Variants in HAPLN1 observed in about 807,000 individuals in gnomAD.
The protein encoded by HAPLN1 is Cartilage link protein.
In HAPLN1, 13 loss-of-function variants were observed where a neutral mutation model predicts 36.5. That is an observed-to-expected ratio of 0.36 (90% confidence interval 0.23 to 0.57). The LOEUF (loss-of-function observed/expected upper bound fraction) is 0.57, where lower values mean the gene tolerates loss of function less well. HAPLN1 is among the 20% of genes least tolerant of loss of function. HAPLN1 has a pLI of 0.83. For missense variants in HAPLN1, 407 were observed against 439.7 expected (o/e 0.93, Z 0.66); for synonymous variants, 202 against 169.8 (o/e 1.19, Z -1.48).
intron 1 of HAPLN1, among the ~76,000 whole-genome samples, chr5:83,706,994 A>G (rs1262483859): frequency 6.6e-6 from 1 of 152,184 alleles, no homozygotes; most frequent in Non-Finnish European, 1.5e-5. Flanking sequence ...CAGAAAGAAC[A>G]AAGTACCTAG....
chr5:83,704,204 T>C (rs1751577432), intron 1 of HAPLN1, among the ~76,000 whole-genome samples: 1 of 151,920 alleles, frequency 6.6e-6, no homozygotes, highest in Non-Finnish European at 1.5e-5. Flanking sequence ...GATATGCAAA[T>C]GTTTAGGGAG....
chr5:83,641,912 G>T (rs968331814), intron 4 of HAPLN1, 127 bp from the exon 5 acceptor site: 3 of 1,000,808 alleles, frequency 3.0e-6, no homozygotes, highest in Non-Finnish European at 1.5e-6. Flanking sequence ...AAAATTTTGG[G>T]AACATAGAAA....
At chr5:83,704,633 A>G (rs147703873) in intron 1 of HAPLN1, among the ~76,000 whole-genome samples, 2 of 152,334 alleles carry the variant, frequency 1.3e-5, no homozygotes, top group African/African-American at 4.8e-5. Flanking sequence ...ACTTTAAACT[A>G]ACAAAGATCA....
intron 1 of HAPLN1, 66 bp from the exon 2 acceptor site, chr5:83,673,615 A>T: frequency 1.2e-6 from 1 of 845,866 alleles, no homozygotes; most frequent in East Asian, 2.5e-5. Flanking sequence ...TGCACTGCAC[A>T]ACTTATTACC....
intron 1 of HAPLN1, among the ~76,000 whole-genome samples, chr5:83,687,144 C>G (rs992030009): frequency 3.5e-4 from 53 of 152,088 alleles, no homozygotes; most frequent in Admixed American, 3.5e-3. Flanking sequence ...CACAGGAAAT[C>G]AGGAAAAGAA....
intron 1 of HAPLN1, among the ~76,000 whole-genome samples, chr5:83,712,532 A>G (rs2083725883): frequency 6.6e-6 from 1 of 152,096 alleles, no homozygotes; most frequent in Non-Finnish European, 1.5e-5. Flanking sequence ...CTTGATCAGT[A>G]TATTTTAGAT....
intron 1 of HAPLN1, among the ~76,000 whole-genome samples, chr5:83,718,882 T>C (rs1283658901): frequency 6.6e-6 from 1 of 152,196 alleles, no homozygotes; most frequent in African/African-American, 2.4e-5. Context: ...AATATAACTT[T>C]TGTTCATCTT....
intron 1 of HAPLN1, chr5:83,682,456 A>C (rs1254991689): frequency 2.6e-5 from 4 of 152,216 alleles, no homozygotes; most frequent in African/African-American, 9.6e-5. Context: ...TAGTTATACT[A>C]AGTCATAATA....
Position 83,638,414 on chromosome 5 carries a change from G to A in HAPLN1, c.*3082C>T, listed in dbSNP as rs949536252. 5 of 152,022 alleles carry A rather than the reference G, an allele frequency of 3.3e-5. No individual in the cohort carries two copies. Among genetic ancestry groups the A allele is most frequent in the Non-Finnish European group, 4.4e-5 (3 of 67,912 alleles). The allele number at this position is 152,022 out of a possible 1,614,324, so 9.4% of individuals were successfully genotyped here. A position where few individuals can be genotyped will look rare whatever the true frequency, so the allele number is the denominator to read the frequency against. Reference sequence around the variant, plus strand: ...TTGTACATCCATTGCCGCTCTGGCAGTAGTGAGCTACGATACAGTTAACTT... The same window carrying A: ...TTGTACATCCATTGCCGCTCTGGCAATAGTGAGCTACGATACAGTTAACTT... On this transcript the variant is annotated 3_prime_UTR_variant, in exon 5 of 5. Coordinates refer to ENST00000274341, the MANE Select transcript of HAPLN1 (RefSeq NM_001884.4).
At chr5:83,648,173 A>G (rs1021767729) in intron 3 of HAPLN1, among the ~76,000 whole-genome samples, 2 of 151,790 alleles carry the variant, frequency 1.3e-5, no homozygotes, top group African/African-American at 4.8e-5. Context: ...TAGGTAGGTA[A>G]TTGGTGGCAG....
chr5:83,709,337 A>G (rs567838034), intron 1 of HAPLN1, among the ~76,000 whole-genome samples: 1 of 152,352 alleles, frequency 6.6e-6, no homozygotes, highest in Admixed American at 6.5e-5. Context: ...TAATTTCTTA[A>G]GCATATTAAT....
intron 1 of HAPLN1, among the ~76,000 whole-genome samples, chr5:83,710,955 A>C (rs1220700197): frequency 2.6e-5 from 4 of 152,132 alleles, no homozygotes; most frequent in Non-Finnish European, 5.9e-5. Flanking sequence ...CGTCTCAAAA[A>C]AGAAAAAAAA....
intron 1 of HAPLN1, among the ~76,000 whole-genome samples, chr5:83,684,245 A>G (rs1211173009): frequency 6.6e-6 from 1 of 152,174 alleles, no homozygotes; most frequent in Non-Finnish European, 1.5e-5. Context: ...GTACTGTGCC[A>G]AATGAAGCTG....
At chr5:83,650,197 T>G (rs1418814302) in intron 3 of HAPLN1, among the ~76,000 whole-genome samples, 1 of 152,204 alleles carries the variant, frequency 6.6e-6, no homozygotes, top group Non-Finnish European at 1.5e-5. Flanking sequence ...GAGCATAGGC[T>G]TCATGCAATA....
At chr5:83,705,342 A>T (rs1428408246) in intron 1 of HAPLN1, among the ~76,000 whole-genome samples, 2 of 147,366 alleles carry the variant, frequency 1.4e-5, no homozygotes, top group African/African-American at 5.1e-5. Flanking sequence ...GTGAGCCGAG[A>T]TCGCACCATT....
chr5:83,676,285 T>C (rs1243001808), intron 1 of HAPLN1, among the ~76,000 whole-genome samples: 1 of 151,764 alleles, frequency 6.6e-6, no homozygotes, highest in Non-Finnish European at 1.5e-5. Flanking sequence ...CTTTGAAAAA[T>C]TCAAGTATAT....
chr5:83,670,990 GCTTTCTTT>G (rs138693711), intron 2 of HAPLN1, among the ~76,000 whole-genome samples: 1 of 151,862 alleles, frequency 6.6e-6, no homozygotes, highest in Non-Finnish European at 1.5e-5. Context: ...ACCATGCCTG[GCTTTCTTT>G]CTTTCTTTCT....
Position 83,644,454 on chromosome 5 carries a change from C to G in HAPLN1, c.684G>C (p.Gly228=), listed in dbSNP as rs2242128. The G allele has an allele frequency of 0.69, 1,112,163 of 1,612,150 alleles. 385,739 individuals are homozygous for G. Among genetic ancestry groups the G allele is most frequent in the African/African-American group, 0.86 (64,509 of 74,884 alleles). ...PITKPREPCG[G]QNTVPGVRNY... is the part of the protein sequence containing the mutation. ...TCCTGACTCCGGGCACTGTGTTCTG[C>G]CCCCCACAGGGCTCTCTGGGCTTTG... Residue 228 remains glycine, a synonymous_variant, in exon 4 of 5, where the codon GGG becomes GGC. Coordinates refer to ENST00000274341, the MANE Select transcript of HAPLN1 (RefSeq NM_001884.4).
intron 2 of HAPLN1, among the ~76,000 whole-genome samples, chr5:83,663,376 A>G (rs1373212946): frequency 6.6e-6 from 1 of 152,202 alleles, no homozygotes; most frequent in Non-Finnish European, 1.5e-5. Flanking sequence ...TGGGAAGTGA[A>G]TATGTGCCCT....
Sources: gnomAD v4.1 joint callset for allele counts (sites outside exome capture counted in the v4.1 genomes callset) on GRCh38, gnomAD v4.1.1 for gene constraint, MANE v1.5 for transcripts, NCBI Gene and HGNC (gene_info 2026-07-23, HGNC 2026-07-21) for gene names.